Variants in NRCAM observed in about 807,000 individuals in gnomAD.
NRCAM encodes NgCAM-related cell adhesion molecule.
Under a neutral mutation model 156.5 loss-of-function variants are expected in NRCAM, and 83 were observed. That is an observed-to-expected ratio of 0.53 (90% CI 0.44 to 0.64). The LOEUF (loss-of-function observed/expected upper bound fraction) is 0.64, where lower values mean the gene tolerates loss of function less well. NRCAM is among the 30% of genes least tolerant of loss of function. The pLI is 0.00. For synonymous variants in NRCAM, 538 were observed against 563.9 expected (o/e 0.95, Z 0.65); for missense variants, 1,417 against 1,597.3 (o/e 0.89, Z 1.92).
intron 1 of NRCAM, among the ~76,000 whole-genome samples, chr7:108,429,376 G>A (rs969890564): frequency 7.2e-5 from 11 of 152,092 alleles, no homozygotes; most frequent in Non-Finnish European, 1.3e-4. Context: ...TTTATTAGTA[G>A]AGACATGGCT....
chr7:108,215,807 T>C (rs1039259990), intron 11 of NRCAM, among the ~76,000 whole-genome samples: 2 of 151,994 alleles, frequency 1.3e-5, no homozygotes, highest in Non-Finnish European at 2.9e-5. Flanking sequence ...ATGTGTGTAT[T>C]TGCACATGAG....
Position 108,351,461 on chromosome 7 carries a change from C to T in NRCAM, c.-173-38730G>A, listed in dbSNP as rs769445057. ...CTTACAGAACAGACTAGCTTCATCA[C>T]CAAACTCTGGAGGGCCAGGAGGCAA... On this transcript the variant is annotated intron_variant, in intron 2 of 32. Coordinates refer to ENST00000379028, the MANE Select transcript of NRCAM (RefSeq NM_001037132.4). Among the ~76,000 whole-genome samples, 7 of 152,200 alleles carry T rather than the reference C, an allele frequency of 4.6e-5. No homozygotes were observed. The East Asian group carries it at 1.3e-3, about 29-fold the overall frequency.
At chr7:108,183,328 C>G (rs2064604189) in intron 22 of NRCAM, among the ~76,000 whole-genome samples, 1 of 152,074 alleles carries the variant, frequency 6.6e-6, no homozygotes, top group Admixed American at 6.5e-5. Context: ...AAAAGGCTAG[C>G]CTGTCATTCT....
At chr7:108,220,306 C>A (rs533866078) in intron 11 of NRCAM, among the ~76,000 whole-genome samples, 68 of 152,230 alleles carry the variant, frequency 4.5e-4, no homozygotes, top group African/African-American at 1.6e-3. Flanking sequence ...CAATCCCCAT[C>A]AAAATACCAC....
intron 3 of NRCAM, among the ~76,000 whole-genome samples, chr7:108,246,131 T>C (rs982970289): frequency 1.3e-5 from 2 of 152,182 alleles, no homozygotes; most frequent in African/African-American, 4.8e-5. Context: ...GAACTAGTTC[T>C]TTGCAAACGA....
chr7:108,332,541 C>A (rs1372296720), intron 2 of NRCAM, among the ~76,000 whole-genome samples: 1 of 152,072 alleles, frequency 6.6e-6, no homozygotes, highest in Non-Finnish European at 1.5e-5. Flanking sequence ...GTTTTCCAAA[C>A]CACTGCTTTT....
At chr7:108,420,575 C>A (rs931890135) in intron 1 of NRCAM, among the ~76,000 whole-genome samples, 1 of 152,146 alleles carries the variant, frequency 6.6e-6, no homozygotes, top group African/African-American at 2.4e-5. Context: ...TCCCCATTCA[C>A]AAAACATTTC....
In NRCAM at chr7:108,207,546, T is replaced by C. The variant is rs767701829; in HGVS notation, c.1189A>G (p.Asn397Asp). The C allele has an allele frequency of 5.6e-6, 9 of 1,613,854 alleles. No homozygotes were observed. Among genetic ancestry groups the C allele is most frequent in the Admixed American group, 1.7e-5 (1 of 59,966 alleles). ...AACTTACTTTCTATTGGGACTCCAT[T>C]TGTTAACCAGCTAATTCTGGGTTTG... ...NPKPRISWLT[N>D]GVPIEIAPDD... The change falls in exon 13 of 33, where the codon AAT (asparagine) becomes GAT (aspartate). Residue 397 changes from asparagine to aspartate, a missense_variant. Around this residue, in one of 2 missense-constraint regions of NRCAM, gnomAD observed 1,238 missense variants for 1,336.4 expected, o/e 0.93. Coordinates refer to ENST00000379028, the MANE Select transcript of NRCAM (RefSeq NM_001037132.4).
chr7:108,198,484 A>G (rs962626518), intron 13 of NRCAM, among the ~76,000 whole-genome samples: 1 of 152,086 alleles, frequency 6.6e-6, no homozygotes, highest in African/African-American at 2.4e-5. Context: ...TTGAACACCA[A>G]GTATTATTTT....
intron 8 of NRCAM, among the ~76,000 whole-genome samples, chr7:108,228,233 A>G (rs1269554715): frequency 3.3e-5 from 5 of 152,108 alleles, no homozygotes; most frequent in Non-Finnish European, 5.9e-5. Context: ...GAGGCAGGAG[A>G]ATCACCTGAA....
At chr7:108,259,215 G>C (rs546026884) in intron 3 of NRCAM, among the ~76,000 whole-genome samples, 3 of 152,330 alleles carry the variant, frequency 2.0e-5, no homozygotes, top group African/African-American at 7.2e-5. Flanking sequence ...TTCCTAAAAT[G>C]AGTGTTGATT....
In NRCAM at chr7:108,176,678, G is replaced by A. The variant is rs575694468; in HGVS notation, c.2975-72C>T. On this transcript the variant is annotated intron_variant, in intron 26 of 32. Transcript: ENST00000379028. ...TAGGAATACTATTATAAATAAATAC[G>A]TCAACTAAAAATGTTCAACCTGGCT... is the stretch of plus-strand genomic sequence containing the variant. The A allele has an allele frequency of 8.4e-4, 988 of 1,176,466 alleles. 1 individual carries two copies. The highest frequency in any genetic ancestry group is 2.1e-3 in the Middle Eastern group (10 of 4,852). The allele number at this position is 1,176,466 out of a possible 1,614,324, so 72.9% of individuals were successfully genotyped here.
chr7:108,198,314 G>A (rs928764247), intron 13 of NRCAM, among the ~76,000 whole-genome samples: 5 of 151,910 alleles, frequency 3.3e-5, no homozygotes, highest in Admixed American at 2.0e-4. Flanking sequence ...GTCTTAAGTC[G>A]ATTGATTCTG....
intron 2 of NRCAM, among the ~76,000 whole-genome samples, chr7:108,356,580 T>C (rs941716045): frequency 6.6e-6 from 1 of 152,186 alleles, no homozygotes; most frequent in Non-Finnish European, 1.5e-5. Context: ...AAATTGTTCT[T>C]TTTTTGAGAG....
intron 5 of NRCAM, among the ~76,000 whole-genome samples, chr7:108,235,016 T>C (rs1369898026): frequency 2.0e-5 from 3 of 152,194 alleles, no homozygotes; most frequent in African/African-American, 7.2e-5. Flanking sequence ...ATTCTTTTGA[T>C]TCCTTTGGTT....
chr7:108,338,953 A>T (rs1217312458), intron 2 of NRCAM, among the ~76,000 whole-genome samples: 1 of 152,238 alleles, frequency 6.6e-6, no homozygotes, highest in East Asian at 1.9e-4. Flanking sequence ...CTGCTTTGCT[A>T]ACAGAATAAA....
At chr7:108,334,955 G>T (rs994847476) in intron 2 of NRCAM, among the ~76,000 whole-genome samples, 2 of 152,132 alleles carry the variant, frequency 1.3e-5, no homozygotes, top group African/African-American at 4.8e-5. Flanking sequence ...TTAAGACAGG[G>T]TTATGTAATA....
intron 3 of NRCAM, among the ~76,000 whole-genome samples, chr7:108,248,290 C>T (rs1168044931): frequency 2.6e-5 from 4 of 152,022 alleles, no homozygotes; most frequent in Admixed American, 1.3e-4. Flanking sequence ...TTTGAAATGC[C>T]AGGCAGGCTA....
chr7:108,220,985 C>T (rs1468050927), intron 11 of NRCAM, among the ~76,000 whole-genome samples: 3 of 152,094 alleles, frequency 2.0e-5, no homozygotes, highest in African/African-American at 7.2e-5. Flanking sequence ...CTACAACAAA[C>T]TCAAACAAAT....
Sources: gnomAD v4.1 joint callset for allele counts (sites outside exome capture counted in the v4.1 genomes callset) on GRCh38, gnomAD v4.1.1 for gene constraint, gnomAD v4.1.1 regional missense constraint, MANE v1.5 for transcripts, NCBI Gene and HGNC (gene_info 2026-07-23, HGNC 2026-07-21) for gene names.